ASB3: variants seen among roughly 807,000 people sequenced by gnomAD.
ASB3 encodes ankyrin repeat and SOCS box containing 3, also known as ankyrin repeat and SOCS box protein 3.
In ASB3, 41 loss-of-function variants were observed where a neutral mutation model predicts 54.5. The ratio of observed to expected loss-of-function variants is 0.75; its 90% CI spans 0.59 to 0.98. The LOEUF is 0.98. Among genes scored for constraint, ASB3 ranks in the 50% least tolerant of loss-of-function variants. The pLI is 0.00. For missense variants in ASB3, 733 were observed against 620.0 expected, an observed-to-expected ratio of 1.18 and a Z score of -1.94; for synonymous variants, 266 against 221.2, an observed-to-expected ratio of 1.20 and a Z score of -1.80.
At chr2:53,745,198 T>C (rs1261856862) in intron 3 of ASB3, among the ~76,000 whole-genome samples, 2 of 152,172 alleles carry the variant, frequency 1.3e-5, no homozygotes, top group African/African-American at 2.4e-5. Flanking sequence ...CCTTAGAATA[T>C]TTATTATGTG....
chr2:53,751,726 C>T (rs1040765266), intron 2 of ASB3, among the ~76,000 whole-genome samples: 23 of 151,858 alleles, frequency 1.5e-4, no homozygotes, highest in African/African-American at 5.3e-4. Flanking sequence ...GAAACAAATG[C>T]TCCTAACTAG....
At chr2:53,740,702 C>G (rs998503120) in intron 3 of ASB3, among the ~76,000 whole-genome samples, 1 of 152,134 alleles carries the variant, frequency 6.6e-6, no homozygotes, top group Non-Finnish European at 1.5e-5. Flanking sequence ...ATAACAAAAA[C>G]GTTGTGGCGA....
At position 53,738,640 on chromosome 2, in the gene ASB3, T is replaced by C. The variant is rs192064419; in HGVS notation, c.356-9070A>G. ...TTTAACCTAGAATACTAGGTATACCTGTCTTCAAGATACCCATTTAGCATT... is the reference window on the plus strand; with the variant it reads ...TTTAACCTAGAATACTAGGTATACCCGTCTTCAAGATACCCATTTAGCATT... On this transcript the variant is annotated intron_variant, in intron 3 of 9. Coordinates refer to ENST00000263634, the MANE Select transcript of ASB3 (RefSeq NM_016115.5). Among the ~76,000 whole-genome samples, 260 of 152,292 alleles carry C rather than the reference T, an allele frequency of 1.7e-3. 1 individual carries two copies. Among genetic ancestry groups the C allele is most frequent in the South Asian group, 3.3e-3 (16 of 4,820 alleles).
chr2:53,770,622 T>C (rs918853955), intron 1 of ASB3, among the ~76,000 whole-genome samples: 13 of 152,110 alleles, frequency 8.5e-5, no homozygotes, highest in African/African-American at 2.9e-4. Flanking sequence ...GCAAAGACTG[T>C]TTTATCAGTC....
intron 5 of ASB3, among the ~76,000 whole-genome samples, chr2:53,717,154 A>G (rs1670443499): frequency 6.6e-6 from 1 of 152,242 alleles, no homozygotes; most frequent in Non-Finnish European, 1.5e-5. Flanking sequence ...TCAATGAAGG[A>G]TACATTTCAT....
At chr2:53,699,265 C>G (rs1468400464) in intron 8 of ASB3, among the ~76,000 whole-genome samples, 1 of 152,218 alleles carries the variant, frequency 6.6e-6, no homozygotes, top group Non-Finnish European at 1.5e-5. Context: ...CCAAATATCT[C>G]ACCTCCAAAT....
intron 1 of ASB3, among the ~76,000 whole-genome samples, chr2:53,768,959 T>C (rs976831541): frequency 2.0e-5 from 3 of 152,204 alleles, no homozygotes; most frequent in African/African-American, 4.8e-5. Flanking sequence ...AAGAGAGACA[T>C]GGGATTAAAA....
chr2:53,751,022 T>C, intron 2 of ASB3, 81 bp from the exon 3 acceptor site: 1 of 1,375,160 alleles, frequency 7.3e-7, no homozygotes, highest in East Asian at 2.6e-5. Flanking sequence ...CCAAGAGGAA[T>C]TTAATGAACT....
At chr2:53,702,916 T>G (rs549506522) in intron 7 of ASB3, among the ~76,000 whole-genome samples, 2 of 151,984 alleles carry the variant, frequency 1.3e-5, no homozygotes, top group African/African-American at 4.8e-5. Context: ...AAATAGTGAG[T>G]TTTACTGAAT....
At chr2:53,720,042 C>T (rs1412230837) in intron 5 of ASB3, among the ~76,000 whole-genome samples, 6 of 151,552 alleles carry the variant, frequency 4.0e-5, no homozygotes, top group Non-Finnish European at 5.9e-5. Flanking sequence ...TCCCTGTGGA[C>T]GAAGGACAGA....
intron 9 of ASB3, among the ~76,000 whole-genome samples, chr2:53,682,185 T>C (rs1329161598): frequency 6.6e-6 from 1 of 151,406 alleles, no homozygotes; most frequent in Non-Finnish European, 1.5e-5. Flanking sequence ...AAAATTAGGA[T>C]TGCTTTTTCT....
chr2:53,778,779 T>C (rs1271189421), intron 1 of ASB3, among the ~76,000 whole-genome samples: 1 of 152,224 alleles, frequency 6.6e-6, no homozygotes, highest in East Asian at 1.9e-4. Flanking sequence ...TCTTTATCCA[T>C]TCATCTGTCT....
intron 1 of ASB3, among the ~76,000 whole-genome samples, chr2:53,776,837 C>G (rs536154502): frequency 6.6e-6 from 1 of 151,938 alleles, no homozygotes; most frequent in Non-Finnish European, 1.5e-5. Context: ...AAAATAAAAC[C>G]TTGAATTCAC....
intron 2 of ASB3, among the ~76,000 whole-genome samples, chr2:53,758,771 G>A (rs1346787294): frequency 1.3e-5 from 2 of 152,094 alleles, no homozygotes; most frequent in Admixed American, 1.3e-4. Context: ...AGTCCTCTGG[G>A]ATAATGCTCA....
rs942626801 is a variant in ASB3 at position 53,768,012 on chromosome 2, C to T, written c.-13-2427G>A. 8 of 1,613,456 alleles carry T rather than the reference C, an allele frequency of 5.0e-6. No individual in the cohort carries two copies. In the Admixed American group the frequency reaches 1.0e-4, roughly 20 times the overall value. ...AGGGCAGCACGGACCACCGCGGGGTCCCCGGCAAGGTGAGGCGCCGGTCAG... is the reference window on the plus strand; with the variant it reads ...AGGGCAGCACGGACCACCGCGGGGTTCCCGGCAAGGTGAGGCGCCGGTCAG... On this transcript the variant is annotated intron_variant, in intron 1 of 9. Coordinates refer to ENST00000263634, the MANE Select transcript of ASB3 (RefSeq NM_016115.5).
intron 7 of ASB3, among the ~76,000 whole-genome samples, chr2:53,707,634 G>A (rs1353808061): frequency 7.0e-5 from 10 of 142,712 alleles, no homozygotes; most frequent in Non-Finnish European, 1.2e-4. Context: ...GCGACACAGC[G>A]AGACTCCGTC....
intron 8 of ASB3, among the ~76,000 whole-genome samples, chr2:53,697,778 T>C (rs1340460011): frequency 1.3e-5 from 2 of 152,184 alleles, no homozygotes; most frequent in Admixed American, 1.3e-4. Flanking sequence ...CTGACTCCAC[T>C]TCAGGGCTTC....
rs1181203997 is a variant in ASB3 at position 53,714,598 on chromosome 2, T to G, written c.783-17A>C. ...TCCAAGATTCTATAAATACACAAAT[T>G]CAGGAGAATTTAGTGTTTGTATATG... is the stretch of plus-strand genomic sequence containing the variant. On this transcript the variant is annotated splice_polypyrimidine_tract_variant and intron_variant, in intron 6 of 9. Coordinates refer to ENST00000263634, the MANE Select transcript of ASB3 (RefSeq NM_016115.5). The G allele has an allele frequency of 6.2e-7, 1 of 1,611,920 alleles. No homozygotes were observed. The highest frequency in any genetic ancestry group is 1.1e-5 in the South Asian group (1 of 90,666).
chr2:53,680,276 G>C (rs1349512041), intron 9 of ASB3, among the ~76,000 whole-genome samples: 1 of 152,194 alleles, frequency 6.6e-6, no homozygotes, highest in Non-Finnish European at 1.5e-5. Context: ...GGGATTGCTG[G>C]ATCGAACAGT....
Sources: allele counts gnomAD v4.1 joint callset (sites outside exome capture counted in the v4.1 genomes callset), GRCh38; gene constraint gnomAD v4.1.1; transcripts MANE v1.5; gene names NCBI Gene and HGNC (gene_info 2026-07-23, HGNC 2026-07-21).